TNIK: variants seen among roughly 807,000 people sequenced by gnomAD.
TNIK encodes TRAF2 and NCK-interacting protein kinase.
Under a neutral mutation model 191.3 loss-of-function variants are expected in TNIK, and 49 were observed. The observed-to-expected ratio is 0.26, with a 90% confidence interval of 0.20 to 0.32. The LOEUF (loss-of-function observed/expected upper bound fraction) is 0.32, where lower values mean the gene tolerates loss of function less well. Among genes scored for constraint, TNIK ranks in the 10% least tolerant of loss-of-function variants. TNIK has a pLI of 1.00. For missense variants in TNIK, 1,155 were observed against 1,702.3 expected, an observed-to-expected ratio of 0.68 and a Z score of 5.66; for synonymous variants, 594 against 600.9, an observed-to-expected ratio of 0.99 and a Z score of 0.17.
At chr3:171,096,028 C>T (rs1722664660) in intron 22 of TNIK, among the ~76,000 whole-genome samples, 2 of 151,718 alleles carry the variant, frequency 1.3e-5, no homozygotes, top group South Asian at 4.2e-4. Context: ...GCTCTTCTTT[C>T]TTCCTTTGTG....
At chr3:171,215,548 A>G (rs1305042441) in intron 3 of TNIK, among the ~76,000 whole-genome samples, 1 of 152,192 alleles carries the variant, frequency 6.6e-6, no homozygotes, top group Non-Finnish European at 1.5e-5. Flanking sequence ...AATTCTTTAC[A>G]GAAAACTACT....
chr3:171,374,808 T>C (rs1449080309), intron 1 of TNIK, among the ~76,000 whole-genome samples: 4 of 152,360 alleles, frequency 2.6e-5, no homozygotes, highest in East Asian at 1.9e-4. Context: ...TGAGGACTTA[T>C]GTGTCAGAAA....
chr3:171,448,157 A>G (rs1727733254), intron 1 of TNIK, among the ~76,000 whole-genome samples: 2 of 152,082 alleles, frequency 1.3e-5, no homozygotes, highest in African/African-American at 2.4e-5. Context: ...CTACTTTTTA[A>G]TAAGAGTTTT....
In TNIK at chr3:171,300,295, G is replaced by A. The variant is rs142902851; in HGVS notation, c.123+69325C>T. Among the ~76,000 whole-genome samples the A allele has an allele frequency of 2.4e-3, 364 of 152,286 alleles. 2 individuals carry two copies. The highest frequency in any genetic ancestry group is 8.1e-3 in the African/African-American group (338 of 41,550). ...TTCTCTGTTGGCACTCACACAGCAC[G>A]GTCATGCCCTATGGGGCCAGGAAGA... is the stretch of plus-strand genomic sequence containing the variant. On this transcript the variant is annotated intron_variant, in intron 2 of 32. Coordinates refer to ENST00000436636, the MANE Select transcript of TNIK (RefSeq NM_015028.4).
chr3:171,458,819 A>G (rs1271578336), intron 1 of TNIK, among the ~76,000 whole-genome samples: 1 of 152,196 alleles, frequency 6.6e-6, no homozygotes, highest in South Asian at 2.1e-4. Flanking sequence ...AAGTATATGC[A>G]CTCGCTTTCT....
rs532758124 is a variant in TNIK at position 171,366,207 on chromosome 3, A to G, written c.123+3413T>C. On this transcript the variant is annotated intron_variant, in intron 2 of 32. Transcript: ENST00000436636. The surrounding 1 kb of genome is among the most constrained non-coding windows in gnomAD (Gnocchi z 4.1). The stretch of plus-strand genomic sequence containing the variant: ...AACAGAAGGAGATGGTTTCCTCATT[A>G]AAAGTCCTGAGAGTGAATCACTATT... Among the ~76,000 whole-genome samples, 2 of 152,286 alleles carry G rather than the reference A, an allele frequency of 1.3e-5. No homozygotes were observed. Among genetic ancestry groups the G allele is most frequent in the African/African-American group, 4.8e-5 (2 of 41,554 alleles).
intron 2 of TNIK, among the ~76,000 whole-genome samples, chr3:171,271,922 C>A (rs562690603): frequency 6.6e-6 from 1 of 152,246 alleles, no homozygotes; most frequent in East Asian, 1.9e-4. Context: ...TGCCTGAACC[C>A]CTTAAAGAAT....
At chr3:171,340,678 C>T (rs1301409469) in intron 2 of TNIK, among the ~76,000 whole-genome samples, 1 of 152,192 alleles carries the variant, frequency 6.6e-6, no homozygotes, top group Non-Finnish European at 1.5e-5. Context: ...TAACACAGAA[C>T]TCTGTGTTTA....
chr3:171,221,180 T>C (rs1318201003), intron 3 of TNIK, among the ~76,000 whole-genome samples: 1 of 152,230 alleles, frequency 6.6e-6, no homozygotes, highest in Admixed American at 6.5e-5. Flanking sequence ...CATTTGTTTA[T>C]CTTTTCTCTG....
intron 2 of TNIK, among the ~76,000 whole-genome samples, chr3:171,346,022 G>A (rs1712126975): frequency 6.6e-6 from 1 of 152,116 alleles, no homozygotes; most frequent in East Asian, 1.9e-4. Flanking sequence ...AGGGAATGGA[G>A]AGGGTGGGGT....
Position 171,101,630 on chromosome 3 carries a change from G to C in TNIK, c.2410C>G (p.Leu804Val). Residue 804 changes from leucine to valine, a missense_variant, in exon 22 of 33, where the codon CTG (leucine) becomes GTG (valine). Physicochemically the swap from Leu to Val is conservative, Grantham distance 32 (BLOSUM62 1). Transcript: ENST00000436636. ...CTTAGTTCTTTGGCTAATGCCGTCA[G>C]ATCCTATGAAAGAAAAATTTGTTCA... is the stretch of plus-strand genomic sequence containing the variant. ...ASYKKAIDED[L>V]TALAKELREL... 6.2e-7 allele frequency: 1 copy of C among 1,611,996 alleles called. No individual in the cohort carries two copies. The highest frequency in any genetic ancestry group is 8.5e-7 in the Non-Finnish European group (1 of 1,179,056).
At chr3:171,361,740 C>T (rs1006750334) in intron 2 of TNIK, among the ~76,000 whole-genome samples, 68 of 152,218 alleles carry the variant, frequency 4.5e-4, no homozygotes, top group African/African-American at 1.6e-3. Flanking sequence ...TCTGCCACCT[C>T]CTATTGTAAT....
intron 2 of TNIK, among the ~76,000 whole-genome samples, chr3:171,289,190 G>A (rs1405885444): frequency 6.6e-6 from 1 of 152,172 alleles, no homozygotes. Flanking sequence ...TTGGAAGTTA[G>A]AACACCTGGT....
At chr3:171,206,335 G>GTGTATATATATATA (rs147263548) in intron 4 of TNIK, among the ~76,000 whole-genome samples, 1 of 133,030 alleles carries the variant, frequency 7.5e-6, no homozygotes, top group Non-Finnish European at 1.6e-5. Flanking sequence ...ATATGTTCGT[G>GTGTATATATATATA]TATATATATA....
intron 2 of TNIK, among the ~76,000 whole-genome samples, chr3:171,251,274 TGA>T (rs1214681298): frequency 6.6e-6 from 1 of 152,230 alleles, no homozygotes; most frequent in Non-Finnish European, 1.5e-5. Flanking sequence ...GAAGAAGGGA[TGA>T]GTCCATTAAA....
Position 171,422,365 on chromosome 3 carries a change from G to T in TNIK, c.57+37642C>A, listed in dbSNP as rs866461175. Among the ~76,000 whole-genome samples the T allele has an allele frequency of 3.3e-5, 5 of 152,142 alleles. No individual in the cohort carries two copies. In the East Asian group the frequency reaches 5.8e-4, roughly 18 times the overall value. On this transcript the variant is annotated intron_variant, in intron 1 of 32. Coordinates refer to ENST00000436636, the MANE Select transcript of TNIK (RefSeq NM_015028.4). ...ACACACACCACATGTTTATACATAT[G>T]AATTCAAACCAAACACACTGTTTAC... is the stretch of plus-strand genomic sequence containing the variant.
intron 12 of TNIK, among the ~76,000 whole-genome samples, chr3:171,148,645 A>G (rs1290076119): frequency 2.0e-5 from 3 of 152,154 alleles, no homozygotes; most frequent in Admixed American, 6.5e-5. Flanking sequence ...CCACTCCAGT[A>G]CTCCCGAGAT....
At chr3:171,106,460 C>T (rs1161024189) in intron 21 of TNIK, among the ~76,000 whole-genome samples, 1 of 152,144 alleles carries the variant, frequency 6.6e-6, no homozygotes, top group Non-Finnish European at 1.5e-5. Flanking sequence ...AGCAGAGCTA[C>T]AGCTTTAAAG....
intron 1 of TNIK, among the ~76,000 whole-genome samples, chr3:171,417,522 T>C (rs1025501972): frequency 6.6e-6 from 1 of 152,214 alleles, no homozygotes; most frequent in Non-Finnish European, 1.5e-5. Context: ...GTGAAAGGTA[T>C]TATAACTTAT....
Sources: gnomAD v4.1 joint callset for allele counts (sites outside exome capture counted in the v4.1 genomes callset) on GRCh38, gnomAD v4.1.1 for gene constraint, Gnocchi (gnomAD v3.1) non-coding constraint, MANE v1.5 for transcripts, NCBI Gene and HGNC (gene_info 2026-07-23, HGNC 2026-07-21) for gene names.